Variants in TENM3 observed in about 807,000 individuals in gnomAD.
The protein encoded by TENM3 is teneurin-3.
A neutral mutation model predicts 255.1 loss-of-function variants in TENM3; 63 were observed. The observed-to-expected ratio is 0.25, with a 90% CI of 0.20 to 0.30. The LOEUF (loss-of-function observed/expected upper bound fraction) is 0.30, where lower values mean the gene tolerates loss of function less well. TENM3 is among the 10% of genes least tolerant of loss of function. The probability of loss-of-function intolerance (pLI) is 1.00; values close to 1 mark genes in which losing one functional copy is unlikely to be tolerated. For synonymous variants in TENM3, 1,306 were observed against 1,322.3 expected (o/e 0.99, Z 0.27); for missense variants, 2,929 against 3,461.1 (o/e 0.85, Z 3.86).
intron 3 of TENM3, among the ~76,000 whole-genome samples, chr4:182,566,003 C>T (rs1477034602): frequency 6.6e-6 from 1 of 152,194 alleles, no homozygotes; most frequent in Non-Finnish European, 1.5e-5. Context: ...TTATTGAAAG[C>T]ATTCCTTATT....
intron 6 of TENM3, among the ~76,000 whole-genome samples, chr4:182,672,146 C>T (rs1314416985): frequency 1.3e-5 from 2 of 152,200 alleles, no homozygotes; most frequent in East Asian, 3.9e-4. Flanking sequence ...GAGAAAGAAC[C>T]TTGGCAAAGA....
the TENM3 span, among the ~76,000 whole-genome samples, chr4:181,759,294 G>T: frequency 6.3e-3 from 959 of 152,118 alleles, 14 homozygotes; most frequent in Middle Eastern, 0.034. Flanking sequence ...TGTAAATGAG[G>T]GTTCCAATAG....
At chr4:181,747,864 C>A in the TENM3 span, among the ~76,000 whole-genome samples, 1 of 151,990 alleles carries the variant, frequency 6.6e-6, no homozygotes, top group East Asian at 1.9e-4. Context: ...CTTTTTTCTT[C>A]AAATAGTTAA....
intron 1 of TENM3, among the ~76,000 whole-genome samples, chr4:182,162,968 G>A (rs1751456899): frequency 6.6e-6 from 1 of 152,110 alleles, no homozygotes; most frequent in Non-Finnish European, 1.5e-5. Flanking sequence ...CTTCTCTCAG[G>A]CCTGAGGAGC....
chr4:182,653,966 C>T (rs1376459828), intron 6 of TENM3, 73 bp downstream of exon 6: 2 of 1,441,256 alleles, frequency 1.4e-6, no homozygotes, highest in East Asian at 2.5e-5. Context: ...TTTACCCATG[C>T]TTACATCTAG....
At chr4:181,798,965 G>C in the TENM3 span, among the ~76,000 whole-genome samples, 2,132 of 152,262 alleles carry the variant, frequency 0.014, 58 homozygotes, top group African/African-American at 0.049. Flanking sequence ...GATGCATAAA[G>C]AAATGTCAGC....
the TENM3 span, among the ~76,000 whole-genome samples, chr4:181,941,533 G>T: frequency 6.6e-6 from 1 of 152,038 alleles, no homozygotes; most frequent in East Asian, 1.9e-4. Context: ...TTCTTTTCTA[G>T]ATGGGTGTGT....
the TENM3 span, among the ~76,000 whole-genome samples, chr4:181,997,714 T>C: frequency 6.6e-6 from 1 of 152,218 alleles, no homozygotes; most frequent in Non-Finnish European, 1.5e-5. Flanking sequence ...TGTGATGCAA[T>C]GTACATCGTC....
At chr4:182,760,990 A>ATGT (rs1763142862) in intron 22 of TENM3, among the ~76,000 whole-genome samples, 1 of 152,100 alleles carries the variant, frequency 6.6e-6, no homozygotes, top group African/African-American at 2.4e-5. Context: ...ATTAGAAAAG[A>ATGT]TATCATTAAT....
the TENM3 span, among the ~76,000 whole-genome samples, chr4:182,073,147 G>A: frequency 6.6e-6 from 1 of 152,222 alleles, no homozygotes; most frequent in Non-Finnish European, 1.5e-5. Context: ...ATCATGGCAG[G>A]AGGCGAAGCA....
chr4:181,570,002 CA>C, the TENM3 span, among the ~76,000 whole-genome samples: 1 of 149,738 alleles, frequency 6.7e-6, no homozygotes, highest in African/African-American at 2.5e-5. Context: ...CCAGCCTGGG[CA>C]ACCTAACAAG....
the TENM3 span, among the ~76,000 whole-genome samples, chr4:181,691,489 G>A: frequency 6.6e-6 from 1 of 152,046 alleles, no homozygotes; most frequent in Non-Finnish European, 1.5e-5. Context: ...AGTGTAAAAT[G>A]CAGTTTTAGC....
the TENM3 span, among the ~76,000 whole-genome samples, chr4:181,449,582 G>A: frequency 2.6e-5 from 4 of 152,088 alleles, no homozygotes; most frequent in Non-Finnish European, 5.9e-5. Context: ...TCAGGAGTTC[G>A]AGACCAGCCT....
the TENM3 span, among the ~76,000 whole-genome samples, chr4:181,463,293 G>A: frequency 6.6e-6 from 1 of 152,166 alleles, no homozygotes; most frequent in Non-Finnish European, 1.5e-5. Context: ...ACCAGCATTT[G>A]TAATGCCCTT....
chr4:182,097,849 C>A, the TENM3 span, among the ~76,000 whole-genome samples: 3,507 of 152,072 alleles, frequency 0.023, 132 homozygotes, highest in East Asian at 0.15. Flanking sequence ...CTTCATTTTA[C>A]CAAAGGAAAA....
chr4:182,001,539 T>C, the TENM3 span, among the ~76,000 whole-genome samples: 1 of 152,148 alleles, frequency 6.6e-6, no homozygotes, highest in Non-Finnish European at 1.5e-5. Flanking sequence ...GTGTTTCTTT[T>C]AGAAGCTATA....
the TENM3 span, among the ~76,000 whole-genome samples, chr4:182,100,806 TAC>T: frequency 0.021 from 126 of 5,916 alleles, 35 homozygotes; most frequent in Non-Finnish European, 0.029. Context: ...CACATATATA[TAC>T]ACATATATAT....
chr4:182,581,744 AAAAT>A (rs1206525032), intron 3 of TENM3, among the ~76,000 whole-genome samples: 1 of 152,168 alleles, frequency 6.6e-6, no homozygotes, highest in Admixed American at 6.5e-5. Flanking sequence ...CTCAAAAAGA[AAAAT>A]AAAAAAGAAA....
At chr4:182,460,424 A>G (rs938009118) in intron 3 of TENM3, among the ~76,000 whole-genome samples, 5 of 152,118 alleles carry the variant, frequency 3.3e-5, no homozygotes, top group African/African-American at 4.8e-5. Flanking sequence ...ACCTGCTTCT[A>G]TCATGGGGGA....
Sources: allele counts gnomAD v4.1 joint callset (sites outside exome capture counted in the v4.1 genomes callset), GRCh38; gene constraint gnomAD v4.1.1; transcripts MANE v1.5; gene names NCBI Gene and HGNC (gene_info 2026-07-23, HGNC 2026-07-21).